The following KAZN variants were observed in gnomAD, a reference collection of about 807,000 sequenced individuals.
KAZN encodes kazrin, periplakin interacting protein, also known as kazrin.
KAZN carries 40 observed loss-of-function variants against 87.4 expected under a neutral mutation model. The observed-to-expected ratio is 0.46, with a 90% CI of 0.36 to 0.60. The LOEUF is 0.60. Among genes scored for constraint, KAZN ranks in the 20% least tolerant of loss-of-function variants. The pLI, the probability that KAZN is intolerant of heterozygous loss-of-function variation, is 0.00. For missense variants in KAZN, 898 were observed against 1,073.9 expected, an observed-to-expected ratio of 0.84 and a Z score of 2.29; for synonymous variants, 466 against 458.3, an observed-to-expected ratio of 1.02 and a Z score of -0.22.
In KAZN at chr1:13,925,783, C is replaced by A. The variant is rs1343927799; in HGVS notation, c.91+32027C>A. 2.0e-5 allele frequency among the ~76,000 whole-genome samples: 3 copies of A among 152,184 alleles called. No individual in the cohort carries two copies. The East Asian group carries it at 5.8e-4, about 29-fold the overall frequency. ...GACCATAAGCACTAGAGGACAGAGGCAGAGAGTCCAGGTTGGGAAGAGTGG... is the reference window on the plus strand; with the variant it reads ...GACCATAAGCACTAGAGGACAGAGGAAGAGAGTCCAGGTTGGGAAGAGTGG... On this transcript the variant is annotated intron_variant, in intron 1 of 16. Transcript: ENST00000636203.
chr1:14,555,821 T>C (rs572392204), intron 2 of KAZN, among the ~76,000 whole-genome samples: 1 of 152,368 alleles, frequency 6.6e-6, no homozygotes, highest in Admixed American at 6.5e-5. Context: ...ACTAGTCAAC[T>C]GACCCCGATG....
chr1:13,982,562 G>A (rs1338333633), intron 1 of KAZN, among the ~76,000 whole-genome samples: 2 of 152,182 alleles, frequency 1.3e-5, no homozygotes, highest in Non-Finnish European at 2.9e-5. Context: ...TGCCACTGCT[G>A]GCTCGGGCAG....
intron 2 of KAZN, among the ~76,000 whole-genome samples, chr1:14,405,203 G>A (rs1663732184): frequency 6.6e-6 from 1 of 152,182 alleles, no homozygotes; most frequent in Non-Finnish European, 1.5e-5. Context: ...TTGAAATGCA[G>A]ATTCTTTCTC....
intron 2 of KAZN, among the ~76,000 whole-genome samples, chr1:14,188,232 TGTG>T (rs1646352007): frequency 6.9e-6 from 1 of 144,728 alleles, no homozygotes; most frequent in Non-Finnish European, 1.6e-5. Flanking sequence ...TGTGTGTGTG[TGTG>T]TGAAAGAGAA....
chr1:14,591,302 A>G (rs1021342259), intron 2 of KAZN, among the ~76,000 whole-genome samples: 1 of 152,016 alleles, frequency 6.6e-6, no homozygotes, highest in African/African-American at 2.4e-5. Context: ...TCTCTGGGTT[A>G]TATATTTTGC....
Position 15,079,044 on chromosome 1 carries a change from G to C in KAZN, c.1222+13291G>C, listed in dbSNP as rs1256112780. 2.0e-5 allele frequency among the ~76,000 whole-genome samples: 3 copies of C among 152,200 alleles called. 1 individual carries two copies. Among genetic ancestry groups the C allele is most frequent in the South Asian group, 2.1e-4 (1 of 4,832 alleles). On this transcript the variant is annotated intron_variant, in intron 8 of 14. Coordinates refer to ENST00000376030, the MANE Select transcript of KAZN (RefSeq NM_201628.3). ...GCTTTTTGAGGGAGATCGGAGGTGGGACAGTTTGCATGAATCATGCAAGAT... is the reference window on the plus strand; with the variant it reads ...GCTTTTTGAGGGAGATCGGAGGTGGCACAGTTTGCATGAATCATGCAAGAT...
intron 6 of KAZN, 88 bp from the exon 7 acceptor site, chr1:15,063,484 C>T (rs752579931): frequency 8.9e-6 from 10 of 1,120,470 alleles, no homozygotes; most frequent in South Asian, 5.0e-5. Flanking sequence ...CATCCTTCCA[C>T]GGAAGGCCCC....
chr1:14,721,979 C>T (rs1001518712), intron 1 of KAZN, among the ~76,000 whole-genome samples: 32 of 151,854 alleles, frequency 2.1e-4, no homozygotes, highest in African/African-American at 7.5e-4. Context: ...CATGGTGAAA[C>T]CCCCTTCTCT....
At chr1:14,478,329 G>A (rs1379598991) in intron 2 of KAZN, among the ~76,000 whole-genome samples, 1 of 151,402 alleles carries the variant, frequency 6.6e-6, no homozygotes, top group East Asian at 1.9e-4. Context: ...AAGGAAGGAA[G>A]GAAGGAAGAA....
chr1:13,893,417 T>A (rs1638912757), exon 1 of KAZN: 2 of 463,688 alleles, frequency 4.3e-6, no homozygotes, highest in South Asian at 8.3e-5. Context: ...TGCATGGAAC[T>A]GCTGCTGTGC....
intron 1 of KAZN, among the ~76,000 whole-genome samples, chr1:14,878,506 T>G (rs1172336295): frequency 2.0e-5 from 3 of 152,134 alleles, no homozygotes; most frequent in Non-Finnish European, 1.5e-5. Context: ...GGGCATCCCC[T>G]CTTCTGGGCC....
chr1:14,833,214 G>T (rs116386155), intron 1 of KAZN, among the ~76,000 whole-genome samples: 1 of 151,952 alleles, frequency 6.6e-6, no homozygotes, highest in Non-Finnish European at 1.5e-5. Context: ...GGACCATGGC[G>T]TGACAGTGGC....
At chr1:14,579,494 G>A (rs777480535) in intron 2 of KAZN, among the ~76,000 whole-genome samples, 9 of 151,918 alleles carry the variant, frequency 5.9e-5, no homozygotes, top group South Asian at 2.1e-4. Context: ...GCGTGGTGGC[G>A]GGCGCCTGTA....
chr1:15,086,282 A>T (rs1480443570), intron 8 of KAZN, among the ~76,000 whole-genome samples: 1 of 152,136 alleles, frequency 6.6e-6, no homozygotes, highest in Non-Finnish European at 1.5e-5. Context: ...ACAAAGAGAA[A>T]ATTTTAAAAG....
chr1:14,086,576 A>T (rs1453427068), intron 1 of KAZN, among the ~76,000 whole-genome samples: 6 of 152,220 alleles, frequency 3.9e-5, no homozygotes, highest in South Asian at 2.1e-4. Flanking sequence ...CATTTACTCT[A>T]AAGAACTTTA....
At chr1:14,655,121 T>C (rs1461879983) in intron 1 of KAZN, among the ~76,000 whole-genome samples, 2 of 152,186 alleles carry the variant, frequency 1.3e-5, no homozygotes, top group Admixed American at 6.5e-5. Flanking sequence ...GTGCTGCTGC[T>C]CCTGGCCTAG....
intron 1 of KAZN, among the ~76,000 whole-genome samples, chr1:14,101,271 T>G (rs1187054438): frequency 6.6e-6 from 1 of 152,248 alleles, no homozygotes; most frequent in African/African-American, 2.4e-5. Flanking sequence ...CACTATTTAT[T>G]ACGTGCTTAT....
chr1:14,661,365 G>C (rs921262172), intron 1 of KAZN, among the ~76,000 whole-genome samples: 1 of 152,126 alleles, frequency 6.6e-6, no homozygotes, highest in Non-Finnish European at 1.5e-5. Context: ...CCTGTGGCCA[G>C]TTGAACATTA....
intron 2 of KAZN, among the ~76,000 whole-genome samples, chr1:14,432,594 T>C (rs1482720663): frequency 6.6e-6 from 1 of 152,200 alleles, no homozygotes; most frequent in Non-Finnish European, 1.5e-5. Context: ...GGGATACATG[T>C]GCAGAATGTG....
Sources: allele counts gnomAD v4.1 joint callset (sites outside exome capture counted in the v4.1 genomes callset), GRCh38; gene constraint gnomAD v4.1.1; transcripts MANE v1.5; gene names NCBI Gene and HGNC (gene_info 2026-07-23, HGNC 2026-07-21).